The following RFX8 variants were observed in gnomAD, a reference collection of about 807,000 sequenced individuals.
The protein encoded by RFX8 is DNA-binding protein RFX8.
RFX8 carries 46 observed loss-of-function variants against 54.6 expected under a neutral mutation model. The ratio of observed to expected loss-of-function variants is 0.84; its 90% CI spans 0.67 to 1.08. RFX8 has a LOEUF of 1.08. RFX8 is among the 50% of genes least tolerant of loss of function. The pLI, the probability that RFX8 is intolerant of heterozygous loss-of-function variation, is 0.00. For synonymous variants in RFX8, 192 were observed against 209.5 expected, an observed-to-expected ratio of 0.92 and a Z score of 0.72; for missense variants, 536 against 562.3, an observed-to-expected ratio of 0.95 and a Z score of 0.47.
chr2:101,404,780 G>C (rs1334437698), intron 10 of RFX8, among the ~76,000 whole-genome samples: 1 of 152,130 alleles, frequency 6.6e-6, no homozygotes, highest in Non-Finnish European at 1.5e-5. Flanking sequence ...TCTCTGCTCT[G>C]AAAGAGCAGG....
In RFX8 at chr2:101,466,789, G is replaced by T. The variant is rs1444473858; in HGVS notation, c.60C>A (p.Ala20=). 18 of 1,550,868 alleles carry T rather than the reference G, an allele frequency of 1.2e-5. No individual in the cohort carries two copies. The highest frequency in any genetic ancestry group is 3.9e-5 in the Admixed American group (2 of 50,964). The part of the protein sequence containing the change: ...GQNTENQVNP[A]TFGKCEDHSP... ...TTCAACAACTTACCTTCCCAAAGGT[G>T]GCCGGGTTGACTTGGTTCTCAGTGT... The change falls in exon 2 of 12, where the codon GCC becomes GCA. Residue 20 remains alanine (A), a synonymous_variant. Transcript: ENST00000428343.
intron 4 of RFX8, 36 bp downstream of exon 4, chr2:101,421,688 A>G (rs1553453631): frequency 6.5e-7 from 1 of 1,541,454 alleles, no homozygotes; most frequent in South Asian, 1.2e-5. Context: ...TATTTTATAG[A>G]TAAAACCCTA....
Position 101,405,807 on chromosome 2 carries a change from T to A in RFX8, c.928+136A>T. ...ATTACTATCGTGTTGTATGGTTTGC[T>A]GTATCTATGTTATATTTTACATAGA... On this transcript the variant is annotated intron_variant, in intron 10 of 11. Transcript: ENST00000428343. 3 of 499,584 alleles carry A rather than the reference T, an allele frequency of 6.0e-6. No individual in the cohort carries two copies. The East Asian group carries it at 9.8e-5, about 16-fold the overall frequency. The allele number at this position is 499,584 out of a possible 1,614,324, so 30.9% of individuals were successfully genotyped here.
chr2:101,448,288 G>A (rs1573452048), intron 2 of RFX8, among the ~76,000 whole-genome samples: 1 of 152,128 alleles, frequency 6.6e-6, no homozygotes, highest in East Asian at 1.9e-4. Flanking sequence ...ACCCTCCACT[G>A]CCCAGCCTGG....
chr2:101,419,387 C>T lies in RFX8; in HGVS notation c.238-423G>A, dbSNP rs150332260. Among the ~76,000 whole-genome samples, 635 of 152,316 alleles carry T rather than the reference C, an allele frequency of 4.2e-3. 8 individuals carry two copies. Among genetic ancestry groups the T allele is most frequent in the African/African-American group, 0.015 (614 of 41,574 alleles). On this transcript the variant is annotated intron_variant, in intron 4 of 11. Coordinates refer to ENST00000428343, the MANE Select transcript of RFX8 (RefSeq NM_001145664.2). ...GATAGTACTTAATCTAAGAGACCCC[C>T]TCCTTGCCATCAAGTTAGAAGTCAC...
At chr2:101,437,702 AT>A (rs1319529988) in intron 2 of RFX8, among the ~76,000 whole-genome samples, 30 of 152,376 alleles carry the variant, frequency 2.0e-4, no homozygotes, top group South Asian at 6.2e-4. Context: ...CGATGGTTAC[AT>A]TTTACAAAAA....
At chr2:101,465,857 C>G (rs1366923805) in intron 2 of RFX8, among the ~76,000 whole-genome samples, 1 of 152,140 alleles carries the variant, frequency 6.6e-6, no homozygotes, top group Non-Finnish European at 1.5e-5. Flanking sequence ...TGCGTTGCAC[C>G]CTTGGGGCCA....
intron 1 of RFX8, among the ~76,000 whole-genome samples, chr2:101,471,992 C>A (rs1324533515): frequency 6.6e-6 from 1 of 151,894 alleles, no homozygotes; most frequent in Non-Finnish European, 1.5e-5. Flanking sequence ...TCGCCCTGCA[C>A]TACCCACCAC....
At chr2:101,471,282 C>T (rs898367519) in intron 1 of RFX8, among the ~76,000 whole-genome samples, 5 of 151,760 alleles carry the variant, frequency 3.3e-5, no homozygotes, top group East Asian at 2.0e-4. Flanking sequence ...TGCAGTGAGC[C>T]GAGATTGTGC....
intron 2 of RFX8, among the ~76,000 whole-genome samples, chr2:101,448,055 G>T (rs891576351): frequency 2.6e-5 from 4 of 152,180 alleles, no homozygotes; most frequent in Admixed American, 2.6e-4. Context: ...CTTTTATAAG[G>T]TTATTAATCC....
intron 1 of RFX8, chr2:101,474,398 G>GGCGCGCGGGGCGCGGGGC (rs1314087996): frequency 2.6e-6 from 1 of 381,918 alleles, no homozygotes. Context: ...GCGCGCGGGG[G>GGCGCGCGGGGCGCGGGGC]GCGCGCGGGG....
At chr2:101,435,551 T>A (rs936096829) in intron 2 of RFX8, among the ~76,000 whole-genome samples, 1 of 152,196 alleles carries the variant, frequency 6.6e-6, no homozygotes, top group Non-Finnish European at 1.5e-5. Context: ...CACGCACATA[T>A]ACACACGTAC....
intron 2 of RFX8, among the ~76,000 whole-genome samples, chr2:101,466,239 G>A (rs1689565154): frequency 6.6e-6 from 1 of 151,452 alleles, no homozygotes; most frequent in South Asian, 2.1e-4. Flanking sequence ...AACCTGGGAG[G>A]TGGAGGTTGC....
In RFX8 at chr2:101,467,578, C is replaced by T. The variant is rs71415316; in HGVS notation, c.-52-678G>A. 2.9e-3 allele frequency among the ~76,000 whole-genome samples: 436 copies of T among 152,336 alleles called. 2 individuals carry two copies. Among genetic ancestry groups the T allele is most frequent in the African/African-American group, 9.4e-3 (391 of 41,574 alleles). On this transcript the variant is annotated intron_variant, in intron 1 of 11. Transcript: ENST00000428343. ...GGTACAGAGCCAGAGCAGCACAGAG[C>T]GAATGCAGCAGTGCCTGTGAACGCA...
At position 101,452,468 on chromosome 2, in the gene RFX8, A is replaced by G. The variant is rs1221775634; in HGVS notation, c.72+14309T>C. ...CAAGCTAAAAGAATAAGCCAGATTT[A>G]AAGTTGCAACTTGAAAACTTAGAAA... is the stretch of plus-strand genomic sequence containing the variant. On this transcript the variant is annotated intron_variant, in intron 2 of 11. Transcript: ENST00000428343. 3.9e-6 allele frequency: 5 copies of G among 1,273,216 alleles called. No individual in the cohort carries two copies. The East Asian group carries it at 9.3e-5, about 24-fold the overall frequency. The allele number at this position is 1,273,216 out of a possible 1,614,324, so 78.9% of individuals were successfully genotyped here.
At chr2:101,470,709 C>CTTTTT (rs537834632) in intron 1 of RFX8, among the ~76,000 whole-genome samples, 2 of 105,540 alleles carry the variant, frequency 1.9e-5, no homozygotes, top group African/African-American at 4.0e-5. Context: ...TCTGAGTACT[C>CTTTTT]TTTTTTTTTT....
chr2:101,406,145 A>C, intron 9 of RFX8, 88 bp from the exon 10 acceptor site: 1 of 707,356 alleles, frequency 1.4e-6, no homozygotes, highest in Non-Finnish European at 2.4e-6. Context: ...TTTGTCATGC[A>C]CACGCATTTT....
chr2:101,413,302 G>A (rs1316306651), intron 7 of RFX8, among the ~76,000 whole-genome samples: 1 of 152,140 alleles, frequency 6.6e-6, no homozygotes, highest in African/African-American at 2.4e-5. Context: ...TGCGTTCAGG[G>A]CTGTCTGGCA....
At chr2:101,398,557 G>GA (rs139455781) in intron 11 of RFX8, among the ~76,000 whole-genome samples, 1,538 of 152,134 alleles carry the variant, frequency 0.01, 29 homozygotes, top group African/African-American at 0.035. Flanking sequence ...CTAAATGGGG[G>GA]AAAAAACCTA....
Sources: gnomAD v4.1 joint callset for allele counts (sites outside exome capture counted in the v4.1 genomes callset) on GRCh38, gnomAD v4.1.1 for gene constraint, MANE v1.5 for transcripts, NCBI Gene and HGNC (gene_info 2026-07-23, HGNC 2026-07-21) for gene names.